Variants in TMEM207 observed in about 807,000 individuals in gnomAD.
TMEM207 encodes transmembrane protein 207.
Under a neutral mutation model 17.4 loss-of-function variants are expected in TMEM207, and 15 were observed. The ratio of observed to expected loss-of-function variants is 0.86; its 90% CI spans 0.58 to 1.33. The LOEUF (loss-of-function observed/expected upper bound fraction) is 1.33. Ranked by LOEUF, TMEM207 falls within the 40% of genes most tolerant of loss-of-function variation. The pLI, the probability that TMEM207 is intolerant of heterozygous loss-of-function variation, is 0.00. For missense variants in TMEM207, 205 were observed against 173.8 expected, an observed-to-expected ratio of 1.18 and a Z score of -1.01; for synonymous variants, 70 against 65.6, an observed-to-expected ratio of 1.07 and a Z score of -0.33.
intron 4 of TMEM207, among the ~76,000 whole-genome samples, chr3:190,439,802 A>T (rs1158234064): frequency 6.6e-6 from 1 of 152,198 alleles, no homozygotes; most frequent in Non-Finnish European, 1.5e-5. Context: ...TTGACCGCAG[A>T]CATCTGGAAA....
At chr3:190,439,369 AG>A (rs1413507056) in intron 4 of TMEM207, among the ~76,000 whole-genome samples, 1 of 152,044 alleles carries the variant, frequency 6.6e-6, no homozygotes, top group Non-Finnish European at 1.5e-5. Context: ...AGTTTTCCCC[AG>A]GGCACACCCT....
intron 3 of TMEM207, among the ~76,000 whole-genome samples, chr3:190,441,228 G>A (rs1442533354): frequency 6.6e-6 from 1 of 152,140 alleles, no homozygotes; most frequent in African/African-American, 2.4e-5. Context: ...TCTAGAATAA[G>A]CTTATTTTTT....
intron 4 of TMEM207, among the ~76,000 whole-genome samples, chr3:190,433,993 A>C (rs1348533711): frequency 6.6e-6 from 1 of 152,056 alleles, no homozygotes; most frequent in Non-Finnish European, 1.5e-5. Context: ...GCCATGATTT[A>C]AGTTCCCTGA....
intron 2 of TMEM207, among the ~76,000 whole-genome samples, chr3:190,445,869 AATTGTTTCG>A (rs1720034478): frequency 6.6e-6 from 1 of 152,268 alleles, no homozygotes; most frequent in East Asian, 1.9e-4. Context: ...AATATATGCA[AATTGTTTCG>A]CACAATTCTT....
intron 2 of TMEM207, among the ~76,000 whole-genome samples, chr3:190,446,276 A>G (rs1720043077): frequency 6.6e-6 from 1 of 152,210 alleles, no homozygotes. Context: ...TCTTGTATAA[A>G]TATAGTTAGA....
rs1719627248 is a variant in TMEM207 at position 190,428,907 on chromosome 3, C to T, written c.*688G>A. 1 of 152,178 alleles carries T rather than the reference C, an allele frequency of 6.6e-6. No individual in the cohort carries two copies. Among genetic ancestry groups the T allele is most frequent in the Non-Finnish European group, 1.5e-5 (1 of 68,042 alleles). 9.4% of individuals were successfully genotyped at this position (152,178 alleles called of 1,614,324 possible). A position where few individuals can be genotyped will look rare whatever the true frequency, so the allele number is the denominator to read the frequency against. On this transcript the variant is annotated 3_prime_UTR_variant, in exon 5 of 5. Transcript: ENST00000354905. ...GAAACACTATGGACTATGGAGGCCA[C>T]ATTCATTACTGTAAAAGGGGAACTT...
At chr3:190,437,790 C>T (rs1264217482) in intron 4 of TMEM207, among the ~76,000 whole-genome samples, 4 of 151,860 alleles carry the variant, frequency 2.6e-5, no homozygotes, top group Non-Finnish European at 4.4e-5. Flanking sequence ...TATAAAGACA[C>T]ATGCACACGT....
chr3:190,444,799 A>G (rs1366023912), intron 2 of TMEM207, among the ~76,000 whole-genome samples: 1 of 152,234 alleles, frequency 6.6e-6, no homozygotes, highest in African/African-American at 2.4e-5. Flanking sequence ...CACTGTTAAC[A>G]TAAGAACAAT....
chr3:190,433,929 ACT>A (rs1355730447), intron 4 of TMEM207, among the ~76,000 whole-genome samples: 1 of 151,440 alleles, frequency 6.6e-6, no homozygotes, highest in Non-Finnish European at 1.5e-5. Context: ...CCCGCCTCCC[ACT>A]CTCTTCCTCC....
Position 190,447,804 on chromosome 3 carries a change from G to C in TMEM207, c.99C>G (p.Cys33Trp), listed in dbSNP as rs373593649. Residue 33 changes from cysteine (C) to tryptophan (W), a missense_variant, in exon 2 of 5, where the codon TGC becomes TGG. Transcript: ENST00000354905. ...LFQLVLSDLP[C>W]EEDEMCVNYN... The stretch of plus-strand genomic sequence containing the variant: ...TGTTTACTTACATTTCATCTTCTTC[G>C]CATGGTAGGTCCGAGAGCACCAACT... 1 of 1,611,320 alleles carries C rather than the reference G, an allele frequency of 6.2e-7. No homozygotes were observed. The highest frequency in any genetic ancestry group is 8.5e-7 in the Non-Finnish European group (1 of 1,178,846).
intron 4 of TMEM207, among the ~76,000 whole-genome samples, chr3:190,433,457 T>A (rs1719732590): frequency 6.6e-6 from 1 of 152,184 alleles, no homozygotes; most frequent in African/African-American, 2.4e-5. Context: ...TTATCTTTTT[T>A]TAAAAAAACT....
At chr3:190,436,106 A>C (rs937526945) in intron 4 of TMEM207, among the ~76,000 whole-genome samples, 1 of 152,180 alleles carries the variant, frequency 6.6e-6, no homozygotes, top group Admixed American at 6.5e-5. Context: ...TGAGAGTCCA[A>C]CCTTTGCCCT....
intron 4 of TMEM207, among the ~76,000 whole-genome samples, chr3:190,439,623 TA>T (rs1254295489): frequency 1.3e-5 from 2 of 152,186 alleles, no homozygotes; most frequent in African/African-American, 4.8e-5. Context: ...CAAATAACTC[TA>T]AGCCCTGAAT....
intron 2 of TMEM207, among the ~76,000 whole-genome samples, chr3:190,443,050 A>C (rs1719966876): frequency 6.6e-6 from 1 of 152,180 alleles, no homozygotes; most frequent in Non-Finnish European, 1.5e-5. Context: ...AGAACTTTAA[A>C]ATATTGTATT....
chr3:190,433,458 T>TA (rs1338696890), intron 4 of TMEM207, among the ~76,000 whole-genome samples: 13 of 152,190 alleles, frequency 8.5e-5, no homozygotes, highest in Non-Finnish European at 1.5e-4. Context: ...TATCTTTTTT[T>TA]AAAAAAACTA....
chr3:190,448,290 T>A (rs1306662918), intron 1 of TMEM207, among the ~76,000 whole-genome samples: 1 of 152,034 alleles, frequency 6.6e-6, no homozygotes, highest in Non-Finnish European at 1.5e-5. Context: ...TAAATATATA[T>A]TCATGAAAGG....
intron 4 of TMEM207, among the ~76,000 whole-genome samples, chr3:190,433,354 A>G (rs945721583): frequency 1.3e-5 from 2 of 152,200 alleles, no homozygotes; most frequent in Non-Finnish European, 2.9e-5. Flanking sequence ...CATTTTTAAT[A>G]AACTCCAAAA....
At chr3:190,440,429 A>G (rs745994353) in intron 3 of TMEM207, 40 bp from the exon 4 acceptor site, 1 of 1,572,992 alleles carries the variant, frequency 6.4e-7, no homozygotes, top group Non-Finnish European at 8.6e-7. Flanking sequence ...GAGGTAGAGT[A>G]TGCAGGGAAG....
Position 190,445,817 on chromosome 3 carries a change from G to A in TMEM207, c.113+1973C>T, listed in dbSNP as rs530582234. On this transcript the variant is annotated intron_variant, in intron 2 of 4. Coordinates refer to ENST00000354905, the MANE Select transcript of TMEM207 (RefSeq NM_207316.3). ...CTAGGATTACAGGGTTAGCCACTGC[G>A]CCCGGTCGACCAGTTTTGTTTGTTT... 4.6e-5 allele frequency among the ~76,000 whole-genome samples: 7 copies of A among 152,246 alleles called. No homozygotes were observed. The South Asian group carries it at 6.2e-4, about 14-fold the overall frequency.
Sources: gnomAD v4.1 joint callset for allele counts (sites outside exome capture counted in the v4.1 genomes callset) on GRCh38, gnomAD v4.1.1 for gene constraint, MANE v1.5 for transcripts, NCBI Gene and HGNC (gene_info 2026-07-23, HGNC 2026-07-21) for gene names.